Variants in SWI5 observed in about 807,000 individuals in gnomAD.
SWI5 encodes SWI5 homologous recombination repair protein, also known as DNA repair protein SWI5 homolog.
SWI5 carries 12 observed loss-of-function variants against 17.0 expected under a neutral mutation model. The observed-to-expected ratio is 0.71, with a 90% CI of 0.45 to 1.14. The LOEUF (loss-of-function observed/expected upper bound fraction) is 1.14. SWI5 is among the 50% of genes most tolerant of loss of function. The pLI is 0.00. For synonymous variants in SWI5, 61 were observed against 64.0 expected, an observed-to-expected ratio of 0.95 and a Z score of 0.22; for missense variants, 158 against 162.2, an observed-to-expected ratio of 0.97 and a Z score of 0.14.
exon 2 of SWI5, chr9:128,276,714 C>T: frequency 6.2e-7 from 1 of 1,613,838 alleles, no homozygotes; most frequent in African/African-American, 1.3e-5. Flanking sequence ...TAGGACTGAA[C>T]CAAGACTTAC....
chr9:128,288,553 T>G (rs1588509753), intron 4 of SWI5, 99 bp from the exon 5 acceptor site: 2 of 1,288,054 alleles, frequency 1.6e-6, no homozygotes, highest in Non-Finnish European at 2.2e-6. Flanking sequence ...CCAGAGGTGG[T>G]CCTGGGTGGG....
chr9:128,275,879 C>CCGGTGCACTTTA, upstream of SWI5: 1 of 1,478,428 alleles, frequency 6.8e-7, no homozygotes, highest in South Asian at 1.2e-5. Context: ...GGGCCGCGAC[C>CCGGTGCACTTTA]CGGTGCACTT....
intron 2 of SWI5, 34 bp from the exon 3 acceptor site, chr9:128,284,476 G>C: frequency 1.2e-6 from 2 of 1,606,316 alleles, no homozygotes; most frequent in Non-Finnish European, 8.5e-7. Context: ...TGGATAACTG[G>C]TCAGTCTGGC....
Position 128,276,670 on chromosome 9 carries a change from G to A in SWI5, c.63-37G>A, listed in dbSNP as rs1831394426. On this transcript the variant is annotated intron_variant, in intron 1 of 4. Coordinates refer to ENST00000418976, the Ensembl canonical transcript of SWI5. ...GTACCCCGTCCTCACAGCGGGCTGT[G>A]GGTCCAATCAGACTTTCCCCTCGGA... 5 of 1,613,986 alleles carry A rather than the reference G, an allele frequency of 3.1e-6. No homozygotes were observed. The Admixed American group carries it at 5.0e-5, about 16-fold the overall frequency.
upstream of SWI5, chr9:128,275,382 C>G (rs929648140): frequency 1.6e-6 from 2 of 1,283,842 alleles, no homozygotes; most frequent in African/African-American, 3.1e-5. Context: ...GGAACATCAG[C>G]GCGACGTCCA....
At position 128,285,917 on chromosome 9, in the gene SWI5, C is replaced by T. The variant is rs1169205543; in HGVS notation, c.234-22C>T. On this transcript the variant is annotated intron_variant, in intron 3 of 4. Coordinates refer to ENST00000418976, the Ensembl canonical transcript of SWI5. The surrounding 1 kb of genome is among the most constrained non-coding windows in gnomAD (Gnocchi z 4.8). ...TTTCTTAACTGGGCTGTCTTTCCCC[C>T]TCTCTCCATCGCTTATCCCAGAGGC... The T allele has an allele frequency of 5.7e-6, 9 of 1,575,378 alleles. No homozygotes were observed. Among genetic ancestry groups the T allele is most frequent in the Non-Finnish European group, 7.9e-6 (9 of 1,145,166 alleles).
chr9:128,284,514 C>T (rs747752195), exon 3 of SWI5: 40 of 1,613,008 alleles, frequency 2.5e-5, no homozygotes, highest in Non-Finnish European at 3.4e-5. Context: ...TCTCAGAGGC[C>T]ATTGCCCAAG....
chr9:128,283,340 T>C (rs1306391561), intron 2 of SWI5, among the ~76,000 whole-genome samples: 5 of 144,902 alleles, frequency 3.5e-5, no homozygotes, highest in Non-Finnish European at 4.6e-5. Context: ...AGTACAAAAA[T>C]ACAAAAATTA....
intron 2 of SWI5, chr9:128,278,494 G>T (rs1044386970): frequency 3.3e-5 from 12 of 366,590 alleles, no homozygotes; most frequent in Admixed American, 6.9e-5. Flanking sequence ...TTGAACCCAG[G>T]GGGTGGAGGT....
In SWI5 at chr9:128,285,250, G is replaced by C. The variant is rs1588507199; in HGVS notation, c.233+619G>C. Reference sequence around the variant, plus strand: ...AAGAAAGGAAGGGAAAGAAGGAAAGGGGGGAAGGAAAGGGAAGGAAGGAAG... The same window carrying C: ...AAGAAAGGAAGGGAAAGAAGGAAAGCGGGGAAGGAAAGGGAAGGAAGGAAG... On this transcript the variant is annotated intron_variant, in intron 3 of 4. Coordinates refer to ENST00000418976, the Ensembl canonical transcript of SWI5. The surrounding 1 kb of genome is among the most constrained non-coding windows in gnomAD (Gnocchi z 4.8). Among the ~76,000 whole-genome samples the C allele has an allele frequency of 6.7e-6, 1 of 150,058 alleles. No individual in the cohort carries two copies. Among genetic ancestry groups the C allele is most frequent in the Non-Finnish European group, 1.5e-5 (1 of 67,510 alleles).
At chr9:128,278,812 G>A (rs554365768) in intron 2 of SWI5, 26 of 384,162 alleles carry the variant, frequency 6.8e-5, no homozygotes, top group South Asian at 4.6e-4. Context: ...TTGCTCTGTC[G>A]CCCAGGCTGG....
In SWI5 at chr9:128,284,770, A is replaced by G. The variant is rs184453206; in HGVS notation, c.233+139A>G. On this transcript the variant is annotated intron_variant, in intron 3 of 4. Coordinates refer to ENST00000418976, the Ensembl canonical transcript of SWI5. ...CAGGAGTTTGAGACCAGCCTGGCCA[A>G]CATGGCAAAACCCTGTCTCTACTAA... The G allele has an allele frequency of 4.1e-5, 41 of 994,846 alleles. 1 individual carries two copies. The East Asian group carries it at 9.8e-4, about 24-fold the overall frequency. 61.6% of individuals were successfully genotyped at this position (994,846 alleles called of 1,614,324 possible).
At chr9:128,279,149 G>A (rs541501950) in intron 2 of SWI5, among the ~76,000 whole-genome samples, 1 of 152,260 alleles carries the variant, frequency 6.6e-6, no homozygotes, top group Non-Finnish European at 1.5e-5. Flanking sequence ...GACCTCTCCT[G>A]CCTCTTTTTC....
At chr9:128,280,322 C>T (rs1831514137) in intron 2 of SWI5, among the ~76,000 whole-genome samples, 1 of 152,032 alleles carries the variant, frequency 6.6e-6, no homozygotes, top group Admixed American at 6.6e-5. Context: ...TTGGGACACC[C>T]AGAGCTGCCT....
At chr9:128,288,099 T>C (rs2131426859) in intron 4 of SWI5, among the ~76,000 whole-genome samples, 1 of 152,152 alleles carries the variant, frequency 6.6e-6, no homozygotes, top group East Asian at 1.9e-4. Flanking sequence ...TATTGAGGTA[T>C]GAACAGAGGG....
chr9:128,275,975 A>C (rs902457147), upstream of SWI5: 2 of 1,598,476 alleles, frequency 1.3e-6, no homozygotes, highest in Non-Finnish European at 1.7e-6. Context: ...TTGGGGCCAC[A>C]TCAGCGCGAT....
chr9:128,276,208 T>TC (rs749276466), upstream of SWI5: 17 of 1,607,238 alleles, frequency 1.1e-5, no homozygotes, highest in Middle Eastern at 1.7e-4. Context: ...GCAACCGCTG[T>TC]CCCCGCCCAC....
intron 2 of SWI5, among the ~76,000 whole-genome samples, chr9:128,283,733 T>G (rs1296934868): frequency 1.3e-5 from 2 of 152,110 alleles, no homozygotes; most frequent in Non-Finnish European, 2.9e-5. Context: ...TACCTTATCA[T>G]CCAAGATAGC....
chr9:128,275,597 G>A (rs1831282242), upstream of SWI5: 2 of 957,098 alleles, frequency 2.1e-6, no homozygotes, highest in Non-Finnish European at 2.9e-6. Flanking sequence ...CCTTGGAGAC[G>A]CCAGCCCAAA....
Sources: allele counts gnomAD v4.1 joint callset (sites outside exome capture counted in the v4.1 genomes callset), GRCh38; gene constraint gnomAD v4.1.1; non-coding constraint Gnocchi (gnomAD v3.1); transcripts MANE v1.5; gene names NCBI Gene and HGNC (gene_info 2026-07-23, HGNC 2026-07-21).